HECW1: variants seen among roughly 807,000 people sequenced by gnomAD.
The protein encoded by HECW1 is E3 ubiquitin-protein ligase HECW1.
A neutral mutation model predicts 182.3 loss-of-function variants in HECW1; 61 were observed. The observed-to-expected ratio is 0.33, with a 90% CI of 0.27 to 0.41. The LOEUF is 0.41. HECW1 is among the 10% of genes least tolerant of loss of function. The pLI is 1.00. For missense variants in HECW1, 1,739 were observed against 2,108.9 expected (o/e 0.82, Z 3.44); for synonymous variants, 859 against 832.6 (o/e 1.03, Z -0.55).
At chr7:43,319,867 C>T (rs1809872913) in intron 4 of HECW1, among the ~76,000 whole-genome samples, 1 of 150,282 alleles carries the variant, frequency 6.7e-6, no homozygotes, top group Non-Finnish European at 1.5e-5. Context: ...CCCACCTCGG[C>T]CTCTCAAAGT....
intron 3 of HECW1, among the ~76,000 whole-genome samples, chr7:43,304,242 C>G (rs1807241009): frequency 6.6e-6 from 1 of 152,102 alleles, no homozygotes; most frequent in Admixed American, 6.5e-5. Flanking sequence ...CCCCACTTCT[C>G]CTGTACTGCC....
chr7:43,237,176 GGTAGGTAGGTAGGTA>G (rs1562715149), intron 2 of HECW1, among the ~76,000 whole-genome samples: 33 of 136,830 alleles, frequency 2.4e-4, no homozygotes, highest in African/African-American at 9.3e-4. Flanking sequence ...TAGGTAGGTA[GGTAGGTAGGTAGGTA>G]AAGTGTGACT....
At chr7:43,433,010 A>G (rs2152867036) in intron 8 of HECW1, among the ~76,000 whole-genome samples, 1 of 152,352 alleles carries the variant, frequency 6.6e-6, no homozygotes, top group South Asian at 2.1e-4. Flanking sequence ...ATTGAAGATG[A>G]TAGGAGCACA....
Position 43,380,137 on chromosome 7 carries a change from T to G in HECW1, c.556-16677T>G, listed in dbSNP as rs569393785. ...GGTGTTATCAGGTTCACTGCAACTT[T>G]GACCTCCTGTGCTCAAGCAATCCCC... On this transcript the variant is annotated intron_variant, in intron 6 of 29. Coordinates refer to ENST00000395891, the MANE Select transcript of HECW1 (RefSeq NM_015052.5). 2.5e-4 allele frequency among the ~76,000 whole-genome samples: 38 copies of G among 152,346 alleles called. No homozygotes were observed. In the South Asian group the frequency reaches 7.7e-3, roughly 31 times the overall value.
intron 13 of HECW1, among the ~76,000 whole-genome samples, chr7:43,463,454 A>G (rs1409757498): frequency 1.3e-5 from 2 of 152,194 alleles, no homozygotes; most frequent in African/African-American, 4.8e-5. Flanking sequence ...GAAACTCATC[A>G]TAGCTTGCAA....
chr7:43,524,455 T>C (rs1472560967), intron 24 of HECW1, among the ~76,000 whole-genome samples: 1 of 152,228 alleles, frequency 6.6e-6, no homozygotes, highest in Non-Finnish European at 1.5e-5. Flanking sequence ...TGAGAAAGGA[T>C]AATTATTTTT....
intron 17 of HECW1, among the ~76,000 whole-genome samples, chr7:43,487,718 G>A (rs1439829509): frequency 6.6e-6 from 1 of 152,160 alleles, no homozygotes. Context: ...AGCACTTTGG[G>A]AGGCAGGGCA....
intron 7 of HECW1, among the ~76,000 whole-genome samples, chr7:43,399,237 C>G (rs1331433068): frequency 6.6e-6 from 1 of 152,134 alleles, no homozygotes; most frequent in African/African-American, 2.4e-5. Context: ...AAGTTCCTCC[C>G]AAAGTTAGTT....
rs553832017 is a variant in HECW1, at chr7:43,301,269, C to T, written c.28-10494C>T. 2.6e-4 allele frequency among the ~76,000 whole-genome samples: 40 copies of T among 152,320 alleles called. No homozygotes were observed. The South Asian group carries it at 7.9e-3, about 30-fold the overall frequency. On this transcript the variant is annotated intron_variant, in intron 3 of 29. Coordinates refer to ENST00000395891, the MANE Select transcript of HECW1 (RefSeq NM_015052.5). ...CTTCTAGTAAAGATACGCTTTTCCA[C>T]GAGAAGTTCCTTCTGCTTAGATTGG... is the stretch of plus-strand genomic sequence containing the variant.
chr7:43,241,356 G>T (rs1798857964), intron 2 of HECW1: 1 of 152,130 alleles, frequency 6.6e-6, no homozygotes, highest in Non-Finnish European at 1.5e-5. Flanking sequence ...GTGGGGTGGG[G>T]TAAGCTTCCA....
chr7:43,309,022 C>T (rs1182174724), intron 3 of HECW1, among the ~76,000 whole-genome samples: 1 of 152,186 alleles, frequency 6.6e-6, no homozygotes, highest in East Asian at 1.9e-4. Context: ...GGGGGCTTTT[C>T]ATGGCAGGAA....
chr7:43,433,338 C>G (rs1018542961), intron 8 of HECW1, among the ~76,000 whole-genome samples: 7 of 152,100 alleles, frequency 4.6e-5, no homozygotes, highest in Admixed American at 3.9e-4. Flanking sequence ...GGTTCTCCAC[C>G]CAGTTGCACA....
chr7:43,227,930 C>T (rs1797572318), intron 2 of HECW1, among the ~76,000 whole-genome samples: 1 of 152,160 alleles, frequency 6.6e-6, no homozygotes, highest in African/African-American at 2.4e-5. Flanking sequence ...TATTCACATG[C>T]ACCCAAATAA....
chr7:43,459,235 C>A (rs2152891240), intron 13 of HECW1, among the ~76,000 whole-genome samples: 1 of 152,304 alleles, frequency 6.6e-6, no homozygotes. Context: ...CTGTTCTTAC[C>A]TTTTTGCCTT....
chr7:43,180,134 C>T (rs534839000), intron 2 of HECW1, among the ~76,000 whole-genome samples: 4 of 140,250 alleles, frequency 2.9e-5, no homozygotes, highest in African/African-American at 8.2e-5. Context: ...CTTTGCAGAG[C>T]CTAAAAGAAC....
intron 6 of HECW1, among the ~76,000 whole-genome samples, chr7:43,384,224 T>A (rs1268427769): frequency 6.6e-6 from 1 of 152,210 alleles, no homozygotes; most frequent in Non-Finnish European, 1.5e-5. Flanking sequence ...AGAGCACAAG[T>A]GAGTGTTGTC....
At chr7:43,156,250 G>A (rs143221315) in intron 2 of HECW1, among the ~76,000 whole-genome samples, 17 of 152,248 alleles carry the variant, frequency 1.1e-4, no homozygotes, top group Non-Finnish European at 1.9e-4. Flanking sequence ...TTAAGTGTTC[G>A]TCAGCTTCAT....
At chr7:43,382,720 G>T (rs2074606957) in intron 6 of HECW1, among the ~76,000 whole-genome samples, 1 of 152,186 alleles carries the variant, frequency 6.6e-6, no homozygotes, top group Non-Finnish European at 1.5e-5. Flanking sequence ...ATAAATGAGT[G>T]AACTGAGTGG....
intron 16 of HECW1, among the ~76,000 whole-genome samples, chr7:43,470,462 G>A (rs1033367593): frequency 9.9e-5 from 15 of 152,158 alleles, no homozygotes; most frequent in Non-Finnish European, 5.9e-5. Flanking sequence ...ACAGTGGAAT[G>A]ACAAGGAGGC....
Sources: gnomAD v4.1 joint callset for allele counts (sites outside exome capture counted in the v4.1 genomes callset) on GRCh38, gnomAD v4.1.1 for gene constraint, MANE v1.5 for transcripts, NCBI Gene and HGNC (gene_info 2026-07-23, HGNC 2026-07-21) for gene names.